UNC13C: variants seen among roughly 807,000 people sequenced by gnomAD.
UNC13C encodes the protein unc-13 homolog C.
A neutral mutation model predicts 245.4 loss-of-function variants in UNC13C; 174 were observed. The observed-to-expected ratio is 0.71, with a 90% CI of 0.63 to 0.80. The LOEUF is 0.80. Ranked by LOEUF, UNC13C falls within the 30% of genes least tolerant of loss-of-function variation. The pLI is 0.00. For missense variants in UNC13C, 2,829 were observed against 2,602.9 expected (o/e 1.09, Z -1.89); for synonymous variants, 992 against 895.1 (o/e 1.11, Z -1.93).
chr15:53,976,492 T>TTTTTTTTTTTTTTTTTA (rs1893708707), upstream of UNC13C, among the ~76,000 whole-genome samples: 1 of 140,810 alleles, frequency 7.1e-6, no homozygotes, highest in Non-Finnish European at 1.6e-5. Context: ...TTTTTTTTTT[T>TTTTTTTTTTTTTTTTTA]TTTCAGTCTT....
intron 2 of UNC13C, among the ~76,000 whole-genome samples, chr15:54,084,678 A>AT (rs1236878643): frequency 2.0e-5 from 3 of 152,246 alleles, no homozygotes; most frequent in East Asian, 3.8e-4. Flanking sequence ...GAAAGTATAC[A>AT]TAAAAACATG....
intron 4 of UNC13C, among the ~76,000 whole-genome samples, chr15:54,206,140 T>C (rs1489598531): frequency 2.0e-5 from 3 of 152,062 alleles, no homozygotes; most frequent in Admixed American, 6.6e-5. Flanking sequence ...TTCCTGATGT[T>C]ATGCACATCA....
chr15:54,359,276 G>A (rs1353743669), intron 17 of UNC13C, among the ~76,000 whole-genome samples: 1 of 151,688 alleles, frequency 6.6e-6, no homozygotes, highest in East Asian at 1.9e-4. Flanking sequence ...TTGTCCTATA[G>A]TTTTCTTTTT....
At position 54,437,573 on chromosome 15, in the gene UNC13C, C is replaced by T. The variant is rs546667687; in HGVS notation, c.4933+22506C>T. ...GATTGAGCCATTTTCCTGTAAGTCA[C>T]GCCACAAAGTTTAATGATACAATAG... is the stretch of plus-strand genomic sequence containing the variant. On this transcript the variant is annotated intron_variant, in intron 19 of 32. Transcript: ENST00000260323. Among the ~76,000 whole-genome samples, 45 of 151,886 alleles carry T rather than the reference C, an allele frequency of 3.0e-4. No individual in the cohort carries two copies. The South Asian group carries it at 5.8e-3, about 20-fold the overall frequency.
chr15:54,199,287 A>T (rs2141342331), intron 4 of UNC13C, among the ~76,000 whole-genome samples: 1 of 152,290 alleles, frequency 6.6e-6, no homozygotes, highest in Middle Eastern at 3.4e-3. Flanking sequence ...TAATTGAGGA[A>T]ACCTTCCCCA....
chr15:54,323,838 T>G (rs1019066947), intron 14 of UNC13C, among the ~76,000 whole-genome samples: 1 of 152,046 alleles, frequency 6.6e-6, no homozygotes. Flanking sequence ...ATTCCGTCTG[T>G]GTATATTGTG....
At chr15:54,496,603 A>ATG (rs1893959603) in intron 20 of UNC13C, among the ~76,000 whole-genome samples, 1 of 151,978 alleles carries the variant, frequency 6.6e-6, no homozygotes, top group Non-Finnish European at 1.5e-5. Flanking sequence ...GTGTATATAT[A>ATG]TATATATGTA....
intron 4 of UNC13C, among the ~76,000 whole-genome samples, chr15:54,171,625 A>G (rs927330008): frequency 6.6e-6 from 1 of 152,090 alleles, no homozygotes; most frequent in Non-Finnish European, 1.5e-5. Flanking sequence ...GAGAATGTGG[A>G]AAAAAGGGAA....
At position 54,176,730 on chromosome 15, in the gene UNC13C, A is replaced by C. The variant is rs542451205; in HGVS notation, c.3071+33046A>C. Among the ~76,000 whole-genome samples, 5 of 152,274 alleles carry C rather than the reference A, an allele frequency of 3.3e-5. No individual in the cohort carries two copies. The East Asian group carries it at 9.6e-4, about 29-fold the overall frequency. On this transcript the variant is annotated intron_variant, in intron 4 of 32. Transcript: ENST00000260323. ...ATATCAAATAGTAACTTAAAAGCAC[A>C]AATTTGACATGGGTTTAATATTTGA...
intron 2 of UNC13C, among the ~76,000 whole-genome samples, chr15:54,100,713 C>G (rs1201505984): frequency 6.6e-6 from 1 of 151,644 alleles, no homozygotes; most frequent in Non-Finnish European, 1.5e-5. Flanking sequence ...GCTGTTGAAA[C>G]CAAAAAATTC....
chr15:54,612,561 C>G (rs973190797), intron 30 of UNC13C, among the ~76,000 whole-genome samples: 1 of 151,946 alleles, frequency 6.6e-6, no homozygotes, highest in East Asian at 1.9e-4. Flanking sequence ...TCCTGTTTAA[C>G]TTTTTCCCCA....
chr15:54,204,386 G>A (rs919914451), intron 4 of UNC13C, among the ~76,000 whole-genome samples: 1 of 142,082 alleles, frequency 7.0e-6, no homozygotes, highest in Admixed American at 7.1e-5. Context: ...CAATAAAAAA[G>A]AATTTGCGAT....
intron 32 of UNC13C, 52 bp downstream of exon 32, chr15:54,624,006 G>T (rs1900976452): frequency 1.7e-5 from 27 of 1,603,744 alleles, no homozygotes; most frequent in Non-Finnish European, 2.2e-5. Context: ...TTACTGTACA[G>T]CTGACCTTAC....
chr15:54,072,877 CT>C (rs1898396903), intron 2 of UNC13C, among the ~76,000 whole-genome samples: 2 of 114,270 alleles, frequency 1.8e-5, no homozygotes, highest in Non-Finnish European at 4.4e-5. Context: ...CCTCTTTCTT[CT>C]TCTTCTTTTT....
At chr15:54,104,954 G>A (rs1900360317) in intron 2 of UNC13C, among the ~76,000 whole-genome samples, 1 of 152,100 alleles carries the variant, frequency 6.6e-6, no homozygotes. Context: ...TGGTGTATAT[G>A]TGTTTGTTTG....
chr15:53,905,783 A>C, the UNC13C span, among the ~76,000 whole-genome samples: 314 of 152,302 alleles, frequency 2.1e-3, 3 homozygotes, highest in African/African-American at 7.3e-3. Context: ...CCACACACAC[A>C]AAGGTAACTA....
intron 4 of UNC13C, among the ~76,000 whole-genome samples, chr15:54,177,827 C>T (rs1034393812): frequency 2.6e-5 from 4 of 152,070 alleles, no homozygotes; most frequent in East Asian, 3.9e-4. Context: ...ATGTTATTTC[C>T]GTCCCAATAA....
intron 32 of UNC13C, among the ~76,000 whole-genome samples, chr15:54,625,037 T>C (rs1043260478): frequency 6.6e-6 from 1 of 152,134 alleles, no homozygotes; most frequent in African/African-American, 2.4e-5. Flanking sequence ...TGGAAAGAAC[T>C]ATTCATTTCT....
At chr15:54,410,491 A>T (rs1434455527) in intron 18 of UNC13C, among the ~76,000 whole-genome samples, 1 of 151,974 alleles carries the variant, frequency 6.6e-6, no homozygotes, top group Non-Finnish European at 1.5e-5. Flanking sequence ...CTGGGTTCTT[A>T]TAGTTTCCAG....
Sources: gnomAD v4.1 joint callset for allele counts (sites outside exome capture counted in the v4.1 genomes callset) on GRCh38, gnomAD v4.1.1 for gene constraint, MANE v1.5 for transcripts, NCBI Gene and HGNC (gene_info 2026-07-23, HGNC 2026-07-21) for gene names.